Variants in WFDC11 observed in about 807,000 individuals in gnomAD.
WFDC11 encodes protein WFDC11.
A neutral mutation model predicts 9.9 loss-of-function variants in WFDC11; 9 were observed. The observed-to-expected ratio is 0.91, with a 90% CI of 0.55 to 1.58. The LOEUF is 1.58. Ranked by LOEUF, WFDC11 falls within the 40% of genes most tolerant of loss-of-function variation. The probability of loss-of-function intolerance (pLI) is 0.00; values close to 1 mark genes in which losing one functional copy is unlikely to be tolerated. For synonymous variants in WFDC11, 32 were observed against 33.3 expected (o/e 0.96, Z 0.13); for missense variants, 106 against 101.7 (o/e 1.04, Z -0.18).
rs1982988704 is a variant in WFDC11 at position 45,658,729 on chromosome 20, T to C, written c.-51-8078A>G. Among the ~76,000 whole-genome samples, 9 of 152,292 alleles carry C rather than the reference T, an allele frequency of 5.9e-5. No individual in the cohort carries two copies. In the South Asian group the frequency reaches 1.9e-3, roughly 32 times the overall value. On this transcript the variant is annotated intron_variant, in intron 2 of 4. Transcript: ENST00000324384. ...TCTGCTCTGATCTTGGTTATTTTCT[T>C]TTTTTATCACACTTTAAGTTCTGGA...
At chr20:45,656,658 A>G (rs1306893950) in intron 2 of WFDC11, among the ~76,000 whole-genome samples, 5 of 151,866 alleles carry the variant, frequency 3.3e-5, no homozygotes, top group Admixed American at 6.6e-5. Flanking sequence ...CAACCTACAG[A>G]ACGGGAGAAA....
At chr20:45,655,332 C>T (rs532206211) in intron 2 of WFDC11, among the ~76,000 whole-genome samples, 34 of 152,250 alleles carry the variant, frequency 2.2e-4, no homozygotes, top group Admixed American at 1.8e-3. Flanking sequence ...CGACAAAAAC[C>T]ATATGATTAT....
chr20:45,659,335 TAA>T (rs1983003723), intron 2 of WFDC11, among the ~76,000 whole-genome samples: 1 of 152,224 alleles, frequency 6.6e-6, no homozygotes, highest in Non-Finnish European at 1.5e-5. Flanking sequence ...ACCAACAGTG[TAA>T]AAGTGTTCCA....
At chr20:45,655,976 A>T (rs1479702430) in intron 2 of WFDC11, among the ~76,000 whole-genome samples, 1 of 152,238 alleles carries the variant, frequency 6.6e-6, no homozygotes, top group Non-Finnish European at 1.5e-5. Flanking sequence ...CATGGCTAGG[A>T]AGAATCAATA....
At chr20:45,650,291 T>C (rs1267635840) in intron 3 of WFDC11, among the ~76,000 whole-genome samples, 2 of 152,034 alleles carry the variant, frequency 1.3e-5, no homozygotes, top group Non-Finnish European at 2.9e-5. Context: ...TAGACAGATA[T>C]TGCTATTTTA....
Position 45,648,812 on chromosome 20 carries a change from A to G in WFDC11, c.244-73T>C, listed in dbSNP as rs867736528. The G allele has an allele frequency of 2.7e-6, 4 of 1,459,388 alleles. No homozygotes were observed. In the Middle Eastern group the frequency reaches 5.2e-4, roughly 191 times the overall value. The allele number at this position is 1,459,388 out of a possible 1,614,324, so 90.4% of individuals were successfully genotyped here. On this transcript the variant is annotated intron_variant, in intron 4 of 4. Transcript: ENST00000324384. ...AACAAGCATTCATTCCCCCTGCTTA[A>G]TAGTATCCATGTTCACCAGACAATG...
chr20:45,669,604 T>C (rs1568665317), intron 1 of WFDC11, among the ~76,000 whole-genome samples: 1 of 152,082 alleles, frequency 6.6e-6, no homozygotes, highest in Non-Finnish European at 1.5e-5. Flanking sequence ...AAGACAGAAA[T>C]CAAGAAGTTT....
intron 2 of WFDC11, among the ~76,000 whole-genome samples, chr20:45,662,661 G>A (rs541628166): frequency 1.3e-5 from 2 of 152,184 alleles, no homozygotes; most frequent in African/African-American, 4.8e-5. Flanking sequence ...GGCCTTTTCT[G>A]CATCTATTGA....
At chr20:45,666,591 G>A (rs1365083588) in intron 2 of WFDC11, among the ~76,000 whole-genome samples, 1 of 152,118 alleles carries the variant, frequency 6.6e-6, no homozygotes, top group Non-Finnish European at 1.5e-5. Context: ...TTATCAACCT[G>A]AGCCTTATCT....
intron 2 of WFDC11, 139 bp from the exon 3 acceptor site, chr20:45,650,790 G>A (rs1055081709): frequency 4.2e-5 from 21 of 498,158 alleles, no homozygotes; most frequent in South Asian, 7.6e-5. Flanking sequence ...TAAGCTGAGC[G>A]TTGGCTTTGC....
intron 1 of WFDC11, among the ~76,000 whole-genome samples, chr20:45,668,278 C>A (rs1382988956): frequency 2.6e-5 from 4 of 152,144 alleles, no homozygotes; most frequent in Non-Finnish European, 5.9e-5. Flanking sequence ...CTGAGTAAGT[C>A]TTGACTGGGT....
chr20:45,651,567 C>T (rs563750893), intron 2 of WFDC11, among the ~76,000 whole-genome samples: 273 of 152,230 alleles, frequency 1.8e-3, no homozygotes, highest in Middle Eastern at 0.014. Flanking sequence ...GCTGAGGTAC[C>T]GGGTTCATCT....
At chr20:45,658,507 C>T (rs1042982932) in intron 2 of WFDC11, among the ~76,000 whole-genome samples, 12 of 151,902 alleles carry the variant, frequency 7.9e-5, no homozygotes, top group Admixed American at 1.3e-4. Context: ...TTCATAGTAG[C>T]GTTACATGAT....
At chr20:45,654,344 C>T (rs1363921551) in intron 2 of WFDC11, among the ~76,000 whole-genome samples, 1 of 152,108 alleles carries the variant, frequency 6.6e-6, no homozygotes, top group Non-Finnish European at 1.5e-5. Context: ...GGGTACATAA[C>T]AAAATGAAGG....
At position 45,655,861 on chromosome 20, in the gene WFDC11, G is replaced by A. The variant is rs1029226968; in HGVS notation, c.-51-5210C>T. On this transcript the variant is annotated intron_variant, in intron 2 of 4. Transcript: ENST00000324384. ...GCTTCAAAAAGAATAAAATACCGAG[G>A]AATCCAACTTACAATGGACATGAAG... Among the ~76,000 whole-genome samples the A allele has an allele frequency of 5.3e-5, 8 of 152,120 alleles. No homozygotes were observed. The East Asian group carries it at 1.2e-3, about 22-fold the overall frequency.
chr20:45,656,675 G>A (rs192303004), intron 2 of WFDC11, among the ~76,000 whole-genome samples: 1 of 151,856 alleles, frequency 6.6e-6, no homozygotes, highest in African/African-American at 2.4e-5. Context: ...GAAAATTTTT[G>A]CAATCTACCC....
At chr20:45,653,404 G>A (rs1982853874) in intron 2 of WFDC11, among the ~76,000 whole-genome samples, 1 of 152,042 alleles carries the variant, frequency 6.6e-6, no homozygotes, top group Admixed American at 6.6e-5. Context: ...CACCAGGCCT[G>A]CCCTACAAGA....
chr20:45,664,832 C>T (rs1983153688), intron 2 of WFDC11, among the ~76,000 whole-genome samples: 1 of 152,188 alleles, frequency 6.6e-6, no homozygotes, highest in Non-Finnish European at 1.5e-5. Flanking sequence ...TGACCCTTCT[C>T]TCTGGGTGCC....
intron 3 of WFDC11, 105 bp downstream of exon 3, chr20:45,650,396 G>A (rs767130564): frequency 1.6e-4 from 138 of 841,374 alleles, no homozygotes; most frequent in Non-Finnish European, 2.5e-4. Context: ...GTGATACTAC[G>A]AAGGTGGGTC....
Sources: allele counts gnomAD v4.1 joint callset (sites outside exome capture counted in the v4.1 genomes callset), GRCh38; gene constraint gnomAD v4.1.1; transcripts MANE v1.5; gene names NCBI Gene and HGNC (gene_info 2026-07-23, HGNC 2026-07-21).